Variants in RALB observed in about 807,000 individuals in gnomAD.
The protein encoded by RALB is RAS like proto-oncogene B.
A neutral mutation model predicts 21.3 loss-of-function variants in RALB; 16 were observed. That is an observed-to-expected ratio of 0.75 (90% CI 0.51 to 1.14). The LOEUF is 1.14. Ranked by LOEUF, RALB falls within the 50% of genes most tolerant of loss-of-function variation. The pLI, the probability that RALB is intolerant of heterozygous loss-of-function variation, is 0.00. For missense variants in RALB, 161 were observed against 256.2 expected, an observed-to-expected ratio of 0.63 and a Z score of 2.54; for synonymous variants, 93 against 96.1, an observed-to-expected ratio of 0.97 and a Z score of 0.19.
chr2:120,289,700 A>C lies in RALB; in HGVS notation c.444A>C (p.Glu148Asp). Reference sequence around the variant, plus strand: ...TGGAGGAGGCCAGGAGTAAAGCCGAAGAGTGGGGCGTGCAGTACGTGGAGA... The same window carrying C: ...TGGAGGAGGCCAGGAGTAAAGCCGACGAGTGGGGCGTGCAGTACGTGGAGA... ...VPVEEARSKA[E>D]EWGVQYVETS... is the part of the protein sequence containing the mutation. The change falls in exon 4 of 5, where the codon GAA (glutamate) becomes GAC (aspartate). Residue 148 changes from glutamate to aspartate, a missense_variant. Coordinates refer to ENST00000272519, the MANE Select transcript of RALB (RefSeq NM_002881.3). The C allele has an allele frequency of 6.2e-7, 1 of 1,614,200 alleles. No individual in the cohort carries two copies. Among genetic ancestry groups the C allele is most frequent in the Non-Finnish European group, 8.5e-7 (1 of 1,180,032 alleles).
At chr2:120,262,833 G>C (rs1452930439) in intron 1 of RALB, among the ~76,000 whole-genome samples, 3 of 152,210 alleles carry the variant, frequency 2.0e-5, no homozygotes, top group Non-Finnish European at 4.4e-5. Context: ...AGAAGGGTGT[G>C]AAGGGCTTCT....
upstream of RALB, among the ~76,000 whole-genome samples, chr2:120,248,007 C>T (rs1688998841): frequency 6.6e-6 from 1 of 152,160 alleles, no homozygotes; most frequent in African/African-American, 2.4e-5. Flanking sequence ...TGCCTGAGAA[C>T]AGGACCAGAC....
chr2:120,253,529 G>C (rs1194554979), intron 1 of RALB: 1 of 985,572 alleles, frequency 1.0e-6, no homozygotes. Flanking sequence ...ATAGGGGCCA[G>C]CGGCGAAGGG....
upstream of RALB, among the ~76,000 whole-genome samples, chr2:120,250,686 T>TCTGCTGGG (rs1217680195): frequency 1.4e-3 from 215 of 152,318 alleles, no homozygotes; most frequent in African/African-American, 4.9e-3. Flanking sequence ...AGCCCCTGGC[T>TCTGCTGGG]CTGCTGGGAG....
At chr2:120,266,056 A>G (rs993488786) in intron 1 of RALB, among the ~76,000 whole-genome samples, 1 of 152,088 alleles carries the variant, frequency 6.6e-6, no homozygotes, top group African/African-American at 2.4e-5. Context: ...TAAGCTTCCA[A>G]TTTCCTCCCA....
chr2:120,269,117 G>A lies in RALB; in HGVS notation c.-47-9501G>A, dbSNP rs80080798. On this transcript the variant is annotated intron_variant, in intron 1 of 4. Transcript: ENST00000272519. ...ATAATCTAAAATTTGGTTGTAATTTGGTTTGTTCCTTCCGTGGGTTCATCG... is the reference window on the plus strand; with the variant it reads ...ATAATCTAAAATTTGGTTGTAATTTAGTTTGTTCCTTCCGTGGGTTCATCG... Among the ~76,000 whole-genome samples the A allele has an allele frequency of 4.9e-3, 752 of 152,208 alleles. 13 individuals are homozygous for A. Among genetic ancestry groups the A allele is most frequent in the African/African-American group, 0.017 (713 of 41,530 alleles).
At chr2:120,274,489 C>T (rs112849104) in intron 1 of RALB, among the ~76,000 whole-genome samples, 54 of 152,068 alleles carry the variant, frequency 3.6e-4, no homozygotes, top group African/African-American at 1.2e-3. Context: ...GCCCTGAGGT[C>T]GTCAAGAGAA....
chr2:120,255,485 C>T (rs1689179125), intron 1 of RALB, among the ~76,000 whole-genome samples: 1 of 152,132 alleles, frequency 6.6e-6, no homozygotes, highest in Admixed American at 6.5e-5. Flanking sequence ...TGGGCTGTCT[C>T]CTTTAGCTCC....
rs1326537318 is a variant in RALB at position 120,274,058 on chromosome 2, C to T, written c.-47-4560C>T. Among the ~76,000 whole-genome samples the T allele has an allele frequency of 1.4e-4, 22 of 152,198 alleles. No individual in the cohort carries two copies. The East Asian group carries it at 4.0e-3, about 28-fold the overall frequency. On this transcript the variant is annotated intron_variant, in intron 1 of 4. Coordinates refer to ENST00000272519, the MANE Select transcript of RALB (RefSeq NM_002881.3). ...GATAACTACACGTGTTTGCAAGGATCCCCCCCAACCTGGAAAAATATCCTT... is the reference window on the plus strand; with the variant it reads ...GATAACTACACGTGTTTGCAAGGATTCCCCCCAACCTGGAAAAATATCCTT...
chr2:120,252,904 G>C lies in RALB; in HGVS notation c.-124G>C. ...AATCGGTGGAGGACGGCTGGGGTCC[G>C]GCCCCGGGAGGGGGCGGGGCGCGTT... On this transcript the variant is annotated 5_prime_UTR_variant, in exon 1 of 5. Transcript: ENST00000272519. 1.0e-6 allele frequency: 1 copy of C among 985,388 alleles called. No homozygotes were observed. Among genetic ancestry groups the C allele is most frequent in the Non-Finnish European group, 1.2e-6 (1 of 829,964 alleles). The allele number at this position is 985,388 out of a possible 1,614,324, so 61.0% of individuals were successfully genotyped here.
At chr2:120,245,290 T>A (rs1030831501) in intron 1 of RALB, among the ~76,000 whole-genome samples, 2 of 152,224 alleles carry the variant, frequency 1.3e-5, no homozygotes, top group African/African-American at 4.8e-5. Context: ...AGGCTTGGTC[T>A]GCCTCTCACC....
intron 3 of RALB, among the ~76,000 whole-genome samples, chr2:120,288,342 G>GTT (rs547733377): frequency 0.12 from 14,121 of 115,374 alleles, 2,910 homozygotes; most frequent in African/African-American, 0.24. Context: ...GAAAATTTTA[G>GTT]TTTTTTTTTT....
At chr2:120,289,877 A>G (rs766141371) in intron 4 of RALB, 120 bp downstream of exon 4, 11 of 906,820 alleles carry the variant, frequency 1.2e-5, no homozygotes, top group Non-Finnish European at 1.8e-5. Context: ...TCTGATTCCT[A>G]TGAATGTCTA....
intron 2 of RALB, 148 bp downstream of exon 2, chr2:120,278,926 GGT>G: frequency 1.6e-6 from 1 of 612,700 alleles, no homozygotes; most frequent in Non-Finnish European, 2.4e-6. Context: ...TTCCTAGGAA[GGT>G]CTAATCAGCA....
At chr2:120,266,958 G>GC (rs1689519530) in intron 1 of RALB, among the ~76,000 whole-genome samples, 1 of 152,106 alleles carries the variant, frequency 6.6e-6, no homozygotes, top group South Asian at 2.1e-4. Flanking sequence ...AGGCATGGGG[G>GC]CCCCCTGAGA....
rs1419423102 is a variant in RALB, at chr2:120,294,332, C to T, written c.*1072C>T. 5.0e-6 allele frequency: 2 copies of T among 398,706 alleles called. No individual in the cohort carries two copies. Among genetic ancestry groups the T allele is most frequent in the East Asian group, 3.6e-5 (1 of 28,092 alleles). The allele number at this position is 398,706 out of a possible 1,614,324, so 24.7% of individuals were successfully genotyped here. On this transcript the variant is annotated 3_prime_UTR_variant, in exon 5 of 5. Coordinates refer to ENST00000272519, the MANE Select transcript of RALB (RefSeq NM_002881.3). Reference sequence around the variant, plus strand: ...GAAGTAGAGAGAGATAAGCCATCGCCCCTTTGCCTCTGAGAATTGGCTGCT... The same window carrying T: ...GAAGTAGAGAGAGATAAGCCATCGCTCCTTTGCCTCTGAGAATTGGCTGCT...
chr2:120,269,881 G>A (rs1484486059), intron 1 of RALB, among the ~76,000 whole-genome samples: 5 of 152,130 alleles, frequency 3.3e-5, no homozygotes, highest in African/African-American at 1.2e-4. Context: ...TTTAGTAGTT[G>A]CTTATTTTTT....
intron 2 of RALB, among the ~76,000 whole-genome samples, chr2:120,285,289 C>T (rs951976043): frequency 3.3e-5 from 5 of 152,182 alleles, no homozygotes; most frequent in African/African-American, 1.2e-4. Flanking sequence ...ATCTCATTGT[C>T]TCCCATAAGG....
chr2:120,246,460 T>C (rs1224170303), intron 1 of RALB, among the ~76,000 whole-genome samples: 1 of 152,100 alleles, frequency 6.6e-6, no homozygotes, highest in African/African-American at 2.4e-5. Flanking sequence ...GAAGTGAGAA[T>C]TGCTGTGAGG....
Sources: allele counts gnomAD v4.1 joint callset (sites outside exome capture counted in the v4.1 genomes callset), GRCh38; gene constraint gnomAD v4.1.1; transcripts MANE v1.5; gene names NCBI Gene and HGNC (gene_info 2026-07-23, HGNC 2026-07-21).